The following PINX1 variants were observed in gnomAD, a reference collection of about 807,000 sequenced individuals.
PINX1 encodes PIN2 (TERF1) interacting telomerase inhibitor 1.
PINX1 carries 34 observed loss-of-function variants against 25.4 expected under a neutral mutation model. The ratio of observed to expected loss-of-function variants is 1.34; its 90% confidence interval spans 1.02 to 1.78. The LOEUF (loss-of-function observed/expected upper bound fraction) is 1.78, where lower values mean the gene tolerates loss of function less well. Ranked by LOEUF, PINX1 falls within the 40% of genes most tolerant of loss-of-function variation. The pLI is 0.00. For missense variants in PINX1, 592 were observed against 404.9 expected, an observed-to-expected ratio of 1.46 and a Z score of -3.97; for synonymous variants, 197 against 147.7, an observed-to-expected ratio of 1.33 and a Z score of -2.42.
chr8:10,773,857 A>G (rs975574320), intron 6 of PINX1, among the ~76,000 whole-genome samples: 2 of 152,202 alleles, frequency 1.3e-5, no homozygotes, highest in Non-Finnish European at 2.9e-5. Flanking sequence ...GCCTCCCTGA[A>G]AGGCCCTCAG....
intron 6 of PINX1, among the ~76,000 whole-genome samples, chr8:10,808,584 A>G (rs1437314128): frequency 6.6e-6 from 1 of 152,244 alleles, no homozygotes; most frequent in Non-Finnish European, 1.5e-5. Context: ...TTAAGATACA[A>G]AAATTAAAGT....
intron 6 of PINX1, among the ~76,000 whole-genome samples, chr8:10,799,727 G>C (rs1802206303): frequency 6.6e-6 from 1 of 152,216 alleles, no homozygotes; most frequent in South Asian, 2.1e-4. Flanking sequence ...GACGGGACAT[G>C]ACACAGGGCC....
At chr8:10,805,781 T>A (rs112563238) in intron 6 of PINX1, among the ~76,000 whole-genome samples, 16 of 66,652 alleles carry the variant, frequency 2.4e-4, no homozygotes, top group African/African-American at 7.3e-4. Flanking sequence ...GCTGAGTGGG[T>A]GGCAGAGCAC....
At chr8:10,833,476 T>A (rs1458469215) in intron 2 of PINX1, 1 of 156,236 alleles carries the variant, frequency 6.4e-6, no homozygotes, top group African/African-American at 2.4e-5. Flanking sequence ...GGGAGGCAGC[T>A]GAGAGTCTGA....
intron 6 of PINX1, among the ~76,000 whole-genome samples, chr8:10,800,989 C>G (rs1190751228): frequency 1.3e-5 from 2 of 152,186 alleles, no homozygotes; most frequent in East Asian, 1.9e-4. Flanking sequence ...GGGGGAGTCC[C>G]TGGCATCAGT....
intron 6 of PINX1, among the ~76,000 whole-genome samples, chr8:10,782,321 T>C (rs2129074113): frequency 6.6e-6 from 1 of 152,188 alleles, no homozygotes. Flanking sequence ...GGAGGTTCAC[T>C]AAATGAGATT....
chr8:10,807,120 C>T (rs548357978), intron 6 of PINX1, among the ~76,000 whole-genome samples: 4 of 152,156 alleles, frequency 2.6e-5, no homozygotes, highest in South Asian at 4.2e-4. Flanking sequence ...AGGACCAAGA[C>T]AGGAAAACAA....
chr8:10,839,364 C>T (rs1798499607), intron 1 of PINX1, among the ~76,000 whole-genome samples: 1 of 152,244 alleles, frequency 6.6e-6, no homozygotes, highest in African/African-American at 2.4e-5. Context: ...TTCTGCTCAA[C>T]CTTCTCTTTT....
intron 6 of PINX1, 93 bp from the exon 7 acceptor site, chr8:10,766,009 G>A (rs930944485): frequency 4.0e-6 from 5 of 1,258,444 alleles, no homozygotes; most frequent in African/African-American, 3.0e-5. Context: ...GCTCACACCT[G>A]GCACCCACAC....
rs140663991 is a variant in PINX1 at position 10,793,007 on chromosome 8, C to T, written c.472-27091G>A. ...TCTTGTTGCCACTTCCATGGATTTG[C>T]TAGATCCTGCTCCAAATGAACGTGT... On this transcript the variant is annotated intron_variant, in intron 6 of 6. Transcript: ENST00000314787. 1.5e-3 allele frequency among the ~76,000 whole-genome samples: 232 copies of T among 152,262 alleles called. 1 individual carries two copies. Among genetic ancestry groups the T allele is most frequent in the African/African-American group, 5.1e-3 (211 of 41,544 alleles).
At chr8:10,816,758 A>C (rs1473823174) in intron 6 of PINX1, among the ~76,000 whole-genome samples, 1 of 152,236 alleles carries the variant, frequency 6.6e-6, no homozygotes, top group African/African-American at 2.4e-5. Flanking sequence ...TTTTTTGTTA[A>C]ATGAGAAAGA....
chr8:10,775,686 A>G (rs1038677678), intron 6 of PINX1, among the ~76,000 whole-genome samples: 8 of 152,138 alleles, frequency 5.3e-5, no homozygotes, highest in Admixed American at 3.3e-4. Flanking sequence ...CGGGTACTCA[A>G]TTTAAGATAG....
chr8:10,814,291 G>A (rs2129083997), intron 6 of PINX1, among the ~76,000 whole-genome samples: 1 of 152,338 alleles, frequency 6.6e-6, no homozygotes, highest in East Asian at 1.9e-4. Context: ...TGAGCAACTG[G>A]CAGTTCGTGA....
intron 2 of PINX1, chr8:10,833,578 A>AAT (rs112120919): frequency 0.012 from 1,393 of 120,388 alleles, 39 homozygotes; most frequent in Middle Eastern, 0.02. Flanking sequence ...GCTGGAGAAG[A>AAT]GACGACTGGG....
At chr8:10,797,945 G>T (rs1802139690) in intron 6 of PINX1, among the ~76,000 whole-genome samples, 1 of 152,206 alleles carries the variant, frequency 6.6e-6, no homozygotes. Flanking sequence ...CATTCTAAAT[G>T]ATGAGCTAAA....
intron 6 of PINX1, among the ~76,000 whole-genome samples, chr8:10,811,626 G>C (rs1333675400): frequency 6.6e-6 from 1 of 152,192 alleles, no homozygotes; most frequent in East Asian, 1.9e-4. Context: ...AAAAGGTGGG[G>C]AGAGCTAGCA....
intron 5 of PINX1, among the ~76,000 whole-genome samples, chr8:10,825,023 G>A (rs1158634222): frequency 2.0e-5 from 3 of 152,176 alleles, no homozygotes; most frequent in East Asian, 3.9e-4. Flanking sequence ...GAGAAAGAAC[G>A]GAGGAAGCGG....
chr8:10,835,727 A>G (rs1006532565), intron 1 of PINX1, among the ~76,000 whole-genome samples: 1 of 152,202 alleles, frequency 6.6e-6, no homozygotes, highest in Non-Finnish European at 1.5e-5. Flanking sequence ...CAGGCACTCA[A>G]TAAATATGTG....
chr8:10,815,223 C>T (rs978873625), intron 6 of PINX1, among the ~76,000 whole-genome samples: 155 of 151,918 alleles, frequency 1.0e-3, no homozygotes, highest in Middle Eastern at 3.4e-3. Flanking sequence ...ATTATAGGCA[C>T]GAGCCACTGT....
Sources: allele counts gnomAD v4.1 joint callset (sites outside exome capture counted in the v4.1 genomes callset), GRCh38; gene constraint gnomAD v4.1.1; transcripts MANE v1.5; gene names NCBI Gene and HGNC (gene_info 2026-07-23, HGNC 2026-07-21).